MGAM: variants seen among roughly 807,000 people sequenced by gnomAD.
MGAM encodes the protein maltase-glucoamylase.
In MGAM, 253 loss-of-function variants were observed where a neutral mutation model predicts 358.8. The observed-to-expected ratio is 0.71, with a 90% CI of 0.64 to 0.78. The LOEUF is 0.78. Among genes scored for constraint, MGAM ranks in the 30% least tolerant of loss-of-function variants. The pLI is 0.00. For missense variants in MGAM, 3,080 were observed against 3,432.6 expected (o/e 0.90, Z 2.57); for synonymous variants, 1,105 against 1,227.1 (o/e 0.90, Z 2.08).
chr7:142,103,294 T>C lies in MGAM; in HGVS notation c.8039T>C (p.Phe2680Ser). 1.9e-6 allele frequency: 3 copies of C among 1,609,802 alleles called. No individual in the cohort carries two copies. Among genetic ancestry groups the C allele is most frequent in the Non-Finnish European group, 2.5e-6 (3 of 1,178,452 alleles). ...AATACGATGCAAAGCCATATAATTT[T>C]CAACAATTACATCACTGGTACAAAT... ...SQNTMQSHII[F>S]NNYITGTNPL... The change falls in exon 70 of 71, where the codon TTC becomes TCC. Residue 2680 changes from phenylalanine (F) to serine (S), a missense_variant. Coordinates refer to ENST00000475668, the MANE Select transcript of MGAM (RefSeq NM_001365693.1).
chr7:142,083,356 G>A lies in MGAM; in HGVS notation c.6324G>A (p.Leu2108=), dbSNP rs754919455. 9.5e-5 allele frequency: 148 copies of A among 1,554,122 alleles called. 29 individuals carry two copies. The highest frequency in any genetic ancestry group is 1.3e-4 in the Non-Finnish European group (142 of 1,131,610). ...ALTYRTTGGV[L]DFYVFLGPTP... ...CATACCGTACCACAGGGGGAGTTCT[G>A]GACTTTTATGTGTTCTTGGGGCCAA... The change falls in exon 53 of 71, where the codon CTG becomes CTA. Residue 2108 remains leucine, a synonymous_variant. Coordinates refer to ENST00000475668, the MANE Select transcript of MGAM (RefSeq NM_001365693.1).
At chr7:142,032,431 T>C (rs1350979632) in intron 13 of MGAM, among the ~76,000 whole-genome samples, 1 of 152,186 alleles carries the variant, frequency 6.6e-6, no homozygotes. Context: ...TGCATCTTTC[T>C]AGACCTTTAT....
chr7:142,051,020 A>G (rs1810903056), intron 24 of MGAM, among the ~76,000 whole-genome samples, 156 bp downstream of exon 24: 1 of 152,072 alleles, frequency 6.6e-6, no homozygotes, highest in African/African-American at 2.4e-5. Context: ...TGAGGTGGCC[A>G]GAGCTAGAAT....
intron 26 of MGAM, among the ~76,000 whole-genome samples, chr7:142,053,695 G>A (rs1411894302): frequency 1.3e-5 from 2 of 152,170 alleles, no homozygotes; most frequent in Non-Finnish European, 2.9e-5. Flanking sequence ...GAGCCTGGCC[G>A]ATAGTGCTGT....
At chr7:142,024,216 G>A (rs1437658273) in intron 7 of MGAM, among the ~76,000 whole-genome samples, 1 of 151,916 alleles carries the variant, frequency 6.6e-6, no homozygotes, top group Non-Finnish European at 1.5e-5. Flanking sequence ...GTGACAGAGT[G>A]AGACTCCATC....
In MGAM at chr7:142,079,448, A is replaced by G. The variant is rs907393340; in HGVS notation, c.5847+440A>G. Among the ~76,000 whole-genome samples, 63 of 145,760 alleles carry G rather than the reference A, an allele frequency of 4.3e-4. 1 individual carries two copies. The highest frequency in any genetic ancestry group is 1.5e-3 in the African/African-American group (61 of 41,046). On this transcript the variant is annotated intron_variant, in intron 49 of 70. Transcript: ENST00000475668. ...CCGCGTTGGTATCTTGCATCTTAAT[A>G]TGGATGGTGCTGACATCAACCAGAA...
At chr7:142,074,350 C>T (rs1232050183) in intron 45 of MGAM, among the ~76,000 whole-genome samples, 177 bp downstream of exon 45, 2 of 146,010 alleles carry the variant, frequency 1.4e-5, no homozygotes, top group African/African-American at 2.4e-5. Context: ...GAACTACTGA[C>T]GAAAGAAAAA....
intron 18 of MGAM, among the ~76,000 whole-genome samples, chr7:142,037,573 A>G (rs1808104563): frequency 6.6e-6 from 1 of 152,176 alleles, no homozygotes; most frequent in Non-Finnish European, 1.5e-5. Flanking sequence ...GGCACGTATC[A>G]GGCTATTATA....
intron 22 of MGAM, 88 bp from the exon 23 acceptor site, chr7:142,050,146 CA>C (rs1215207080): frequency 4.3e-5 from 56 of 1,294,200 alleles, no homozygotes; most frequent in Non-Finnish European, 5.9e-5. Context: ...TGTGTGACCT[CA>C]AGGCATAGCT....
intron 43 of MGAM, among the ~76,000 whole-genome samples, chr7:142,070,193 A>G (rs1161326785): frequency 8.8e-6 from 1 of 113,716 alleles, no homozygotes; most frequent in Non-Finnish European, 2.2e-5. Context: ...ACTTTGTCTC[A>G]AGAAAAAAAA....
chr7:142,085,696 A>T, intron 54 of MGAM, 137 bp from the exon 55 acceptor site: 1 of 1,218,822 alleles, frequency 8.2e-7, no homozygotes, highest in South Asian at 1.7e-5. Flanking sequence ...CCTGTACCTA[A>T]CAAATGGCAG....
At chr7:142,059,816 T>G in intron 32 of MGAM, 40 bp from the exon 33 acceptor site, 1 of 1,586,008 alleles carries the variant, frequency 6.3e-7, no homozygotes. Flanking sequence ...CCTCATTCTC[T>G]GGCTTTGGTT....
At chr7:142,033,024 A>G (rs1807655022) in intron 14 of MGAM, 115 bp downstream of exon 14, 2 of 604,226 alleles carry the variant, frequency 3.3e-6, no homozygotes, top group Non-Finnish European at 5.5e-6. Flanking sequence ...TGCATAGAAA[A>G]AGAAATATGT....
intron 3 of MGAM, among the ~76,000 whole-genome samples, chr7:142,017,914 A>G (rs1488220217): frequency 6.6e-6 from 1 of 152,204 alleles, no homozygotes; most frequent in Non-Finnish European, 1.5e-5. Context: ...TAGTAAGAGA[A>G]CCAAGTTTTG....
At chr7:142,042,843 T>A (rs898766266) in intron 21 of MGAM, among the ~76,000 whole-genome samples, 259 of 42,312 alleles carry the variant, frequency 6.1e-3, no homozygotes, top group East Asian at 0.015. Flanking sequence ...ATATTATATA[T>A]ACATATAATA....
chr7:142,062,754 G>C, intron 35 of MGAM, 52 bp downstream of exon 35: 8 of 1,609,082 alleles, frequency 5.0e-6, no homozygotes, highest in Non-Finnish European at 6.8e-6. Context: ...ATCTTTGTGT[G>C]CCTAAGTATA....
At position 141,999,429 on chromosome 7, in the gene MGAM, T is replaced by G. The variant is rs1444764634; in HGVS notation, c.-3+3499T>G. On this transcript the variant is annotated intron_variant, in intron 1 of 70. Coordinates refer to ENST00000475668, the MANE Select transcript of MGAM (RefSeq NM_001365693.1). ...GAGTGATGGTTAAAAGCCATGGCTG[T>G]GGAGTCCAAAGGGCAGGTGTTCAAA... Among the ~76,000 whole-genome samples the G allele has an allele frequency of 3.3e-5, 5 of 152,222 alleles. No homozygotes were observed. In the East Asian group the frequency reaches 9.6e-4, roughly 29 times the overall value.
intron 7 of MGAM, 140 bp from the exon 8 acceptor site, chr7:142,024,910 T>C: frequency 1.6e-6 from 1 of 610,528 alleles, no homozygotes; most frequent in Non-Finnish European, 2.9e-6. Flanking sequence ...ATAGACCCCA[T>C]CTTTTAAAAA....
At position 142,058,323 on chromosome 7, in the gene MGAM, C is replaced by G; in HGVS notation, c.3814C>G (p.Pro1272Ala). 6.2e-7 allele frequency: 1 copy of G among 1,613,838 alleles called. No homozygotes were observed. Among genetic ancestry groups the G allele is most frequent in the Middle Eastern group, 1.7e-4 (1 of 6,058 alleles). The change falls in exon 31 of 71, where the codon CCT (proline) becomes GCT (alanine). Residue 1272 changes from proline (P) to alanine (A), a missense_variant. Transcript: ENST00000475668. ...TGATGAGATGGTGGCTGCCCAGATCCCTTATGTACGTTCTCAGTCATGGCT... is the reference window on the plus strand; with the variant it reads ...TGATGAGATGGTGGCTGCCCAGATCGCTTATGTACGTTCTCAGTCATGGCT... Reference protein sequence around the residue: ...LYDEMVAAQIPYDVQYSDIDY... With the variant: ...LYDEMVAAQIAYDVQYSDIDY...
Sources: allele counts gnomAD v4.1 joint callset (sites outside exome capture counted in the v4.1 genomes callset), GRCh38; gene constraint gnomAD v4.1.1; transcripts MANE v1.5; gene names NCBI Gene and HGNC (gene_info 2026-07-23, HGNC 2026-07-21).